Variants in SLC8A2 observed in about 807,000 individuals in gnomAD.
The protein encoded by SLC8A2 is sodium/calcium exchanger 2.
In SLC8A2, 14 loss-of-function variants were observed where a neutral mutation model predicts 70.2. The observed-to-expected ratio is 0.20, with a 90% confidence interval of 0.13 to 0.31. SLC8A2 has a LOEUF of 0.31. SLC8A2 is among the 10% of genes least tolerant of loss of function. SLC8A2 has a pLI of 1.00. For missense variants in SLC8A2, 779 were observed against 1,320.1 expected, an observed-to-expected ratio of 0.59 and a Z score of 6.35; for synonymous variants, 575 against 594.3, an observed-to-expected ratio of 0.97 and a Z score of 0.47.
chr19:47,460,242 G>A (rs1967377411), intron 2 of SLC8A2, among the ~76,000 whole-genome samples: 1 of 152,204 alleles, frequency 6.6e-6, no homozygotes. Flanking sequence ...CCCATGCACA[G>A]CCAGGGCAGC....
chr19:47,468,524 G>A lies in SLC8A2; in HGVS notation c.-16-2105C>T, dbSNP rs905693470. 2.0e-5 allele frequency among the ~76,000 whole-genome samples: 3 copies of A among 152,156 alleles called. No individual in the cohort carries two copies. The highest frequency in any genetic ancestry group is 4.4e-5 in the Non-Finnish European group (3 of 68,024). ...GCTGTTTTTGAACTCCTGGGTTCAG[G>A]TGCTCCACCTGCCTTGGCCTCCCAA... On this transcript the variant is annotated intron_variant, in intron 1 of 9. Transcript: ENST00000236877. The surrounding 1 kb of genome is among the most constrained non-coding windows in gnomAD (Gnocchi z 5.1).
At position 47,466,568 on chromosome 19, in the gene SLC8A2, AGT is replaced by A; in HGVS notation, c.-16-151_-16-150del. 1.9e-6 allele frequency: 1 copy of A among 527,964 alleles called. No homozygotes were observed. Among genetic ancestry groups the A allele is most frequent in the Non-Finnish European group, 3.3e-6 (1 of 302,158 alleles). The allele number at this position is 527,964 out of a possible 1,614,324, so 32.7% of individuals were successfully genotyped here. Reference sequence around the variant, plus strand: ...GACTGAGGGCGACAGAGACACAGAGAGTGACAGACAGAGACCCACAGAGAGAG... The same window carrying A: ...GACTGAGGGCGACAGAGACACAGAGAGACAGACAGAGACCCACAGAGAGAG... On this transcript the variant is annotated intron_variant, in intron 1 of 9. Transcript: ENST00000236877. This position sits in a 1 kb window ranked among gnomAD's most constrained non-coding sequence, Gnocchi z 6.9.
chr19:47,453,954 T>C (rs1305051322), intron 3 of SLC8A2, among the ~76,000 whole-genome samples: 1 of 151,888 alleles, frequency 6.6e-6, no homozygotes, highest in African/African-American at 2.4e-5. Context: ...CACACCAGCC[T>C]GGGCAACATG....
At chr19:47,464,227 T>C (rs1967430874) in intron 2 of SLC8A2, among the ~76,000 whole-genome samples, 1 of 152,138 alleles carries the variant, frequency 6.6e-6, no homozygotes, top group African/African-American at 2.4e-5. Flanking sequence ...TTCCCTTGCT[T>C]CAGCCTCCCG....
chr19:47,457,286 G>C lies in SLC8A2; in HGVS notation c.984C>G (p.Asp328Glu), dbSNP rs531341398. The change falls in exon 3 of 10, where the codon GAC (aspartate) becomes GAG (glutamate). Residue 328 changes from aspartate (D) to glutamate (E), a missense_variant. Around this residue, in one of 6 missense-constraint regions of SLC8A2, gnomAD observed 186 missense variants for 246.6 expected, o/e 0.75. Coordinates refer to ENST00000236877, the MANE Select transcript of SLC8A2 (RefSeq NM_015063.3). ...ILKDLKQKHPDKDLEQLVGIA... is the reference protein window; with the variant it reads ...ILKDLKQKHPEKDLEQLVGIA... ...TGCCCACCAGCTGCTCCAGATCCTTGTCCGGGTGCTTCTGCTTGAGGTCCT... is the reference window on the plus strand; with the variant it reads ...TGCCCACCAGCTGCTCCAGATCCTTCTCCGGGTGCTTCTGCTTGAGGTCCT... 5.9e-5 allele frequency: 91 copies of C among 1,547,010 alleles called. 1 individual carries two copies. The African/African-American group carries it at 1.1e-3, about 19-fold the overall frequency.
intron 8 of SLC8A2, among the ~76,000 whole-genome samples, chr19:47,434,918 G>A (rs1011774074): frequency 1.3e-5 from 2 of 152,090 alleles, no homozygotes; most frequent in African/African-American, 4.8e-5. Context: ...CTCAAGACAC[G>A]ATAGGGTCAG....
chr19:47,465,742 G>A lies in SLC8A2; in HGVS notation c.662C>T (p.Pro221Leu). The change falls in exon 2 of 10, where the codon CCC becomes CTC. Residue 221 changes from proline (P) to leucine (L), a missense_variant. Coordinates refer to ENST00000236877, the MANE Select transcript of SLC8A2 (RefSeq NM_015063.3). This position sits in a 1 kb window ranked among gnomAD's most constrained non-coding sequence, Gnocchi z 5.5. ...GTCTTTGCTCACCTGGACCACACCGGGGGAAAAAACAGCAAGGATGAGATA... is the reference window on the plus strand; with the variant it reads ...GTCTTTGCTCACCTGGACCACACCGAGGGAAAAAACAGCAAGGATGAGATA... ...WLYLILAVFS[P>L]GVVQVWEALL... 6.2e-7 allele frequency: 1 copy of A among 1,610,854 alleles called. No homozygotes were observed. The highest frequency in any genetic ancestry group is 8.5e-7 in the Non-Finnish European group (1 of 1,177,774).
intron 2 of SLC8A2, among the ~76,000 whole-genome samples, chr19:47,461,695 G>A (rs1599858855): frequency 6.6e-6 from 1 of 152,246 alleles, no homozygotes; most frequent in Non-Finnish European, 1.5e-5. Context: ...TTCAGCGCAA[G>A]CTGTGAAATG....
Position 47,430,575 on chromosome 19 carries a change from G to A in SLC8A2, c.2390-110C>T. Reference sequence around the variant, plus strand: ...CCCGGTCGCCTGCTTTCTGCGGGCAGTGTGGGCTCAAGACCCCTGACCCCC... The same window carrying A: ...CCCGGTCGCCTGCTTTCTGCGGGCAATGTGGGCTCAAGACCCCTGACCCCC... On this transcript the variant is annotated intron_variant, in intron 9 of 9. Transcript: ENST00000236877. The surrounding 1 kb of genome is among the most constrained non-coding windows in gnomAD (Gnocchi z 5.9). 3 of 1,245,236 alleles carry A rather than the reference G, an allele frequency of 2.4e-6. No homozygotes were observed. The highest frequency in any genetic ancestry group is 3.3e-6 in the Non-Finnish European group (3 of 922,750). The allele number at this position is 1,245,236 out of a possible 1,614,324, so 77.1% of individuals were successfully genotyped here.
rs751583243 is a variant in SLC8A2, at chr19:47,432,041, G to T, written c.2389+126C>A. On this transcript the variant is annotated intron_variant, in intron 9 of 9. Transcript: ENST00000236877. The surrounding 1 kb of genome is among the most constrained non-coding windows in gnomAD (Gnocchi z 6.2). ...CTGGCTTCTATTATGCCCCACCTCC[G>T]TATTTCTCTGAGACCCACCACATGG... The T allele has an allele frequency of 1.7e-5, 15 of 886,792 alleles. No homozygotes were observed. The African/African-American group carries it at 1.9e-4, about 11-fold the overall frequency. The allele number at this position is 886,792 out of a possible 1,614,324, so 54.9% of individuals were successfully genotyped here.
chr19:47,431,850 G>C (rs908734393), intron 9 of SLC8A2, among the ~76,000 whole-genome samples: 22 of 151,838 alleles, frequency 1.4e-4, no homozygotes, highest in Non-Finnish European at 3.1e-4. Context: ...GTCTTCCTAG[G>C]AACCCCTCTC....
chr19:47,432,602 CAGTT>C lies in SLC8A2; in HGVS notation c.2111-161_2111-158del, dbSNP rs1966979110. 1 of 646,706 alleles carries C rather than the reference CAGTT, an allele frequency of 1.5e-6. No individual in the cohort carries two copies. Among genetic ancestry groups the C allele is most frequent in the Non-Finnish European group, 2.5e-6 (1 of 398,032 alleles). 40.1% of individuals were successfully genotyped at this position (646,706 alleles called of 1,614,324 possible). On this transcript the variant is annotated intron_variant, in intron 8 of 9. Coordinates refer to ENST00000236877, the MANE Select transcript of SLC8A2 (RefSeq NM_015063.3). The surrounding 1 kb of genome is among the most constrained non-coding windows in gnomAD (Gnocchi z 6.2). The stretch of plus-strand genomic sequence containing the variant: ...CTGTGGCCAAGTCAACTGCTAAAAA[CAGTT>C]ACTTTCCCAGAATCCCTTGAAGCTA...
In SLC8A2 at chr19:47,428,541, G is replaced by A. The variant is rs919522522; in HGVS notation, c.*1548C>T. On this transcript the variant is annotated 3_prime_UTR_variant, in exon 10 of 10. Transcript: ENST00000236877. ...CCCGGCGCTGCTGCTATATGTGGGT[G>A]TGTCCCGCAGACGACCGCGGGCCGC... 1.3e-5 allele frequency: 2 copies of A among 152,478 alleles called. No homozygotes were observed. Among genetic ancestry groups the A allele is most frequent in the African/African-American group, 4.8e-5 (2 of 41,398 alleles). 9.4% of individuals were successfully genotyped at this position (152,478 alleles called of 1,614,324 possible).
intron 1 of SLC8A2, among the ~76,000 whole-genome samples, chr19:47,467,370 C>T (rs559382682): frequency 6.6e-6 from 1 of 152,304 alleles, no homozygotes; most frequent in African/African-American, 2.4e-5. Flanking sequence ...CCTTTGAAAG[C>T]TCTTGCTCAG....
At chr19:47,469,119 CGTGTGTGTGTGTGTGTGT>C (rs10670696) in intron 1 of SLC8A2, among the ~76,000 whole-genome samples, 5 of 143,162 alleles carry the variant, frequency 3.5e-5, no homozygotes, top group Admixed American at 2.8e-4. Context: ...TGCCTGTGTG[CGTGTGTGTGTGTGTGTGT>C]GTGTGTGTGT....
chr19:47,432,030 G>T lies in SLC8A2; in HGVS notation c.2389+137C>A. On this transcript the variant is annotated intron_variant, in intron 9 of 9. Transcript: ENST00000236877. The surrounding 1 kb of genome is among the most constrained non-coding windows in gnomAD (Gnocchi z 6.2). ...GGACCCGCTGCCTGGCTTCTATTAT[G>T]CCCCACCTCCGTATTTCTCTGAGAC... 1.3e-6 allele frequency: 1 copy of T among 778,042 alleles called. No homozygotes were observed. The highest frequency in any genetic ancestry group is 2.0e-6 in the Non-Finnish European group (1 of 508,208). 48.2% of individuals were successfully genotyped at this position (778,042 alleles called of 1,614,324 possible).
At chr19:47,450,586 G>C (rs557993187) in intron 3 of SLC8A2, among the ~76,000 whole-genome samples, 1 of 152,102 alleles carries the variant, frequency 6.6e-6, no homozygotes, top group African/African-American at 2.4e-5. Flanking sequence ...GAGAGGGACC[G>C]CAAGGTTCTG....
intron 3 of SLC8A2, among the ~76,000 whole-genome samples, chr19:47,452,061 G>A (rs1056119987): frequency 6.6e-6 from 1 of 152,106 alleles, no homozygotes; most frequent in African/African-American, 2.4e-5. Flanking sequence ...TGAGTTAACA[G>A]TATCAATTCA....
chr19:47,469,119 C>CGTGTGTGTGTGTGTGT (rs10670696), intron 1 of SLC8A2, among the ~76,000 whole-genome samples: 1 of 143,162 alleles, frequency 7.0e-6, no homozygotes, highest in African/African-American at 2.6e-5. Context: ...TGCCTGTGTG[C>CGTGTGTGTGTGTGTGT]GTGTGTGTGT....
Sources: gnomAD v4.1 joint callset for allele counts (sites outside exome capture counted in the v4.1 genomes callset) on GRCh38, gnomAD v4.1.1 for gene constraint, gnomAD v4.1.1 regional missense constraint, Gnocchi (gnomAD v3.1) non-coding constraint, MANE v1.5 for transcripts, NCBI Gene and HGNC (gene_info 2026-07-23, HGNC 2026-07-21) for gene names.